TTC28: variants seen among roughly 807,000 people sequenced by gnomAD.
TTC28 encodes tetratricopeptide repeat protein 28.
TTC28 carries 61 observed loss-of-function variants against 198.0 expected under a neutral mutation model. The ratio of observed to expected loss-of-function variants is 0.31; its 90% confidence interval spans 0.25 to 0.38. TTC28 has a LOEUF of 0.38. Among genes scored for constraint, TTC28 ranks in the 10% least tolerant of loss-of-function variants. The probability of loss-of-function intolerance (pLI) is 1.00; values close to 1 mark genes in which losing one functional copy is unlikely to be tolerated. For synonymous variants in TTC28, 1,171 were observed against 1,297.8 expected, an observed-to-expected ratio of 0.90 and a Z score of 2.10; for missense variants, 2,678 against 3,164.0, an observed-to-expected ratio of 0.85 and a Z score of 3.69.
At chr22:28,568,019 G>A (rs2050007307) in intron 2 of TTC28, among the ~76,000 whole-genome samples, 2 of 152,062 alleles carry the variant, frequency 1.3e-5, no homozygotes, top group African/African-American at 2.4e-5. Context: ...AAACAAAAAA[G>A]GGGGAAGAAT....
chr22:28,488,297 C>T (rs1037236213), intron 2 of TTC28, among the ~76,000 whole-genome samples: 1 of 152,200 alleles, frequency 6.6e-6, no homozygotes, highest in African/African-American at 2.4e-5. Flanking sequence ...ATTAAACCCT[C>T]CACTCAGCCC....
chr22:28,378,317 A>G (rs2046443380), intron 2 of TTC28, among the ~76,000 whole-genome samples: 1 of 147,128 alleles, frequency 6.8e-6, no homozygotes, highest in Non-Finnish European at 1.5e-5. Context: ...CTGCACTCCA[A>G]TCTAGGATAC....
At chr22:28,672,378 G>C (rs1297885403) in intron 1 of TTC28, among the ~76,000 whole-genome samples, 2 of 151,968 alleles carry the variant, frequency 1.3e-5, no homozygotes, top group African/African-American at 4.8e-5. Context: ...ATATTGGCCA[G>C]GCTGGTCTTG....
At chr22:28,474,050 T>TA (rs1424474310) in intron 2 of TTC28, among the ~76,000 whole-genome samples, 6 of 152,188 alleles carry the variant, frequency 3.9e-5, no homozygotes, top group Admixed American at 3.3e-4. Context: ...AATACCCTGC[T>TA]AAAATAATTA....
intron 5 of TTC28, among the ~76,000 whole-genome samples, chr22:28,191,242 G>C (rs1191296472): frequency 6.6e-6 from 1 of 152,122 alleles, no homozygotes; most frequent in Admixed American, 6.5e-5. Flanking sequence ...CAAAAATCCT[G>C]GTTATAAAAT....
intron 3 of TTC28, among the ~76,000 whole-genome samples, chr22:28,301,555 T>G (rs1176033152): frequency 6.6e-6 from 1 of 152,210 alleles, no homozygotes; most frequent in East Asian, 1.9e-4. Flanking sequence ...ATACTGTATT[T>G]CATCAGTTCA....
intron 2 of TTC28, among the ~76,000 whole-genome samples, chr22:28,333,919 T>C (rs1375221351): frequency 6.6e-6 from 1 of 152,146 alleles, no homozygotes; most frequent in Non-Finnish European, 1.5e-5. Flanking sequence ...GTTACATATG[T>C]ATACATGTGC....
chr22:28,659,149 A>G (rs920475428), intron 1 of TTC28, among the ~76,000 whole-genome samples: 1 of 152,260 alleles, frequency 6.6e-6, no homozygotes, highest in African/African-American at 2.4e-5. Context: ...AACCTCCAGA[A>G]CTGTGAGAAA....
chr22:28,099,850 G>A (rs1942091359), intron 9 of TTC28, among the ~76,000 whole-genome samples: 1 of 152,178 alleles, frequency 6.6e-6, no homozygotes, highest in South Asian at 2.1e-4. Flanking sequence ...GAGGGGAAGA[G>A]AGCGCCACAC....
Position 28,054,954 on chromosome 22 carries a change from A to G in TTC28, c.3933-24588T>C, listed in dbSNP as rs143602561. Among the ~76,000 whole-genome samples the G allele has an allele frequency of 9.3e-4, 141 of 152,298 alleles. 1 individual carries two copies. The highest frequency in any genetic ancestry group is 3.2e-3 in the African/African-American group (134 of 41,558). ...AGCTGAAAGAGCACCCACAGTAAAG[A>G]GAAGTTCCCTGTCTTTGAGTCCAGT... On this transcript the variant is annotated intron_variant, in intron 12 of 22. Coordinates refer to ENST00000397906, the MANE Select transcript of TTC28 (RefSeq NM_001145418.2).
chr22:28,278,227 G>A (rs1435141873), intron 5 of TTC28, among the ~76,000 whole-genome samples: 1 of 151,996 alleles, frequency 6.6e-6, no homozygotes, highest in Non-Finnish European at 1.5e-5. Flanking sequence ...ATCCACTCCT[G>A]AAATCCAAAT....
chr22:28,606,029 T>C (rs2050725401), intron 2 of TTC28, among the ~76,000 whole-genome samples: 1 of 152,004 alleles, frequency 6.6e-6, no homozygotes, highest in Admixed American at 6.6e-5. Context: ...TTCTATAATG[T>C]ATACATAGAT....
chr22:28,273,929 C>T (rs1340239899), intron 5 of TTC28, among the ~76,000 whole-genome samples: 1 of 152,062 alleles, frequency 6.6e-6, no homozygotes, highest in Non-Finnish European at 1.5e-5. Flanking sequence ...CAAAAGAATA[C>T]ATAAATAGTA....
chr22:28,521,774 T>C (rs937504357), intron 2 of TTC28, among the ~76,000 whole-genome samples: 6 of 152,196 alleles, frequency 3.9e-5, no homozygotes, highest in Admixed American at 1.3e-4. Context: ...TGTCAAATTG[T>C]GCAGGATAGG....
intron 2 of TTC28, among the ~76,000 whole-genome samples, chr22:28,551,862 C>T (rs1346176312): frequency 5.3e-5 from 8 of 151,972 alleles, no homozygotes; most frequent in Admixed American, 2.6e-4. Context: ...AACATAGTAC[C>T]GGAAGTCCTA....
chr22:28,202,537 C>CAAAAAAAAAAAAAA (rs998861083), intron 5 of TTC28, among the ~76,000 whole-genome samples: 2 of 110,754 alleles, frequency 1.8e-5, no homozygotes, highest in African/African-American at 6.7e-5. Context: ...GACTCTGTCT[C>CAAAAAAAAAAAAAA]AAAAAAAAAA....
intron 6 of TTC28, among the ~76,000 whole-genome samples, chr22:28,135,895 C>T (rs1260479771): frequency 6.6e-6 from 1 of 152,096 alleles, no homozygotes; most frequent in Non-Finnish European, 1.5e-5. Context: ...ATTAATTACC[C>T]TTATAACTAT....
chr22:28,223,411 T>C (rs1158696269), intron 5 of TTC28, among the ~76,000 whole-genome samples: 1 of 152,166 alleles, frequency 6.6e-6, no homozygotes, highest in Non-Finnish European at 1.5e-5. Context: ...ATTGAGAAAA[T>C]ATTTACTTCT....
chr22:28,144,454 C>T (rs1018804409), intron 6 of TTC28, among the ~76,000 whole-genome samples: 3 of 152,188 alleles, frequency 2.0e-5, no homozygotes, highest in Non-Finnish European at 4.4e-5. Context: ...TCTGGGTTTA[C>T]CATTACAAAA....
Sources: gnomAD v4.1 joint callset for allele counts (sites outside exome capture counted in the v4.1 genomes callset) on GRCh38, gnomAD v4.1.1 for gene constraint, MANE v1.5 for transcripts, NCBI Gene and HGNC (gene_info 2026-07-23, HGNC 2026-07-21) for gene names.